The following CELF4 variants were observed in gnomAD, a reference collection of about 807,000 sequenced individuals.
CELF4 encodes the protein CUG-BP- and ETR-3-like factor 4.
A neutral mutation model predicts 59.9 loss-of-function variants in CELF4; 18 were observed. That is an observed-to-expected ratio of 0.30 (90% confidence interval 0.21 to 0.45). The LOEUF (loss-of-function observed/expected upper bound fraction) is 0.45, where lower values mean the gene tolerates loss of function less well. CELF4 is among the 20% of genes least tolerant of loss of function. The pLI is 1.00. For synonymous variants in CELF4, 261 were observed against 267.1 expected (o/e 0.98, Z 0.22); for missense variants, 456 against 689.0 (o/e 0.66, Z 3.79).
At chr18:37,466,139 C>T (rs1302848472) in intron 2 of CELF4, among the ~76,000 whole-genome samples, 1 of 152,216 alleles carries the variant, frequency 6.6e-6, no homozygotes, top group African/African-American at 2.4e-5. Flanking sequence ...TGCTCTTGAT[C>T]ACTGTCAGCT....
chr18:37,512,301 A>G (rs2099945352), intron 1 of CELF4, among the ~76,000 whole-genome samples: 1 of 152,164 alleles, frequency 6.6e-6, no homozygotes, highest in South Asian at 2.1e-4. Flanking sequence ...CGTGTCGGCC[A>G]CCCACCCTCC....
At chr18:37,541,581 T>C (rs796964006) in intron 1 of CELF4, among the ~76,000 whole-genome samples, 2 of 152,050 alleles carry the variant, frequency 1.3e-5, no homozygotes, top group African/African-American at 4.8e-5. Flanking sequence ...TTCCAACACT[T>C]CTTGCTAACC....
chr18:37,274,755 G>A (rs937815188), intron 5 of CELF4, 50 bp downstream of exon 5: 10 of 1,523,738 alleles, frequency 6.6e-6, no homozygotes, highest in Non-Finnish European at 8.8e-6. Flanking sequence ...GGGTGCTGGG[G>A]TCTCGGCCCG....
intron 2 of CELF4, among the ~76,000 whole-genome samples, chr18:37,341,650 A>G (rs2098042132): frequency 6.6e-6 from 1 of 152,150 alleles, no homozygotes; most frequent in Non-Finnish European, 1.5e-5. Context: ...ACTGTGCTCT[A>G]TCCAGCAGAA....
At chr18:37,431,284 C>T (rs1222950783) in intron 2 of CELF4, among the ~76,000 whole-genome samples, 1 of 150,786 alleles carries the variant, frequency 6.6e-6, no homozygotes, top group Admixed American at 6.6e-5. Context: ...ATCATCTCAT[C>T]TTCTTTTCCT....
intron 2 of CELF4, among the ~76,000 whole-genome samples, chr18:37,338,524 T>C (rs114415279): frequency 6.6e-6 from 1 of 152,144 alleles, no homozygotes; most frequent in African/African-American, 2.4e-5. Flanking sequence ...GGATTCTGGG[T>C]GCTGGGGTGG....
intron 1 of CELF4, among the ~76,000 whole-genome samples, chr18:37,495,822 G>A (rs756380088): frequency 8.6e-5 from 13 of 152,012 alleles, no homozygotes; most frequent in Non-Finnish European, 1.9e-4. Context: ...ACAGCTCTCT[G>A]CCCTCATGAT....
intron 3 of CELF4, among the ~76,000 whole-genome samples, chr18:37,314,330 C>G (rs1026914027): frequency 2.0e-5 from 3 of 152,176 alleles, no homozygotes; most frequent in African/African-American, 7.2e-5. Flanking sequence ...TGGCGGGCAC[C>G]TGTAATCCCA....
chr18:37,270,442 C>T (rs2090606912), intron 8 of CELF4, among the ~76,000 whole-genome samples: 1 of 152,214 alleles, frequency 6.6e-6, no homozygotes, highest in South Asian at 2.1e-4. Flanking sequence ...GTTAAATTCA[C>T]ACTCAATTAT....
At chr18:37,318,230 C>A (rs1464656379) in intron 3 of CELF4, among the ~76,000 whole-genome samples, 7 of 152,012 alleles carry the variant, frequency 4.6e-5, no homozygotes, top group Admixed American at 4.6e-4. Context: ...TCCCCTCGCA[C>A]CACTGTGCCC....
At chr18:37,274,675 G>T in intron 5 of CELF4, 130 bp downstream of exon 5, 1 of 1,481,100 alleles carries the variant, frequency 6.8e-7, no homozygotes, top group South Asian at 1.3e-5. Context: ...CCGCGTCCTT[G>T]TCTGAGGCCC....
intron 1 of CELF4, among the ~76,000 whole-genome samples, chr18:37,554,627 T>C (rs2099984238): frequency 6.6e-6 from 1 of 152,174 alleles, no homozygotes; most frequent in Admixed American, 6.5e-5. Context: ...CCTTGACGAC[T>C]CTGGAAACAG....
chr18:37,485,585 G>A lies in CELF4; in HGVS notation c.309C>T (p.Cys103=). Residue 103 remains cysteine (C), a synonymous_variant, in exon 2 of 13, where the codon TGC becomes TGT. Transcript: ENST00000420428. The stretch of plus-strand genomic sequence containing the variant: ...GGGCCTTCAGCGCTGACTCACGCTC[G>A]CAGTAGGTGAGGAAGGCGCAGCCTG... The part of the protein sequence containing the change: ...MHKGCAFLTY[C]ERESALKAQS... 6.9e-7 allele frequency: 1 copy of A among 1,455,610 alleles called. No homozygotes were observed. Among genetic ancestry groups the A allele is most frequent in the South Asian group, 1.4e-5 (1 of 68,994 alleles). 90.2% of individuals were successfully genotyped at this position (1,455,610 alleles called of 1,614,324 possible).
intron 2 of CELF4, among the ~76,000 whole-genome samples, chr18:37,445,358 G>A (rs1168056927): frequency 1.3e-5 from 2 of 151,974 alleles, no homozygotes; most frequent in South Asian, 2.1e-4. Flanking sequence ...AGGGTTTCTC[G>A]GTGTTTCGGT....
chr18:37,458,321 C>T (rs2154602017), intron 2 of CELF4, among the ~76,000 whole-genome samples: 1 of 152,334 alleles, frequency 6.6e-6, no homozygotes, highest in African/African-American at 2.4e-5. Flanking sequence ...CACACTAGAA[C>T]TCTTGCCTCT....
At chr18:37,275,032 C>T (rs2092821202) in intron 4 of CELF4, 83 bp downstream of exon 4, 3 of 1,557,658 alleles carry the variant, frequency 1.9e-6, no homozygotes. Context: ...CGGCGATGGC[C>T]CCGGAGACTC....
rs149121972 is a variant in CELF4, at chr18:37,442,084, C to T, written c.369+43441G>A. Among the ~76,000 whole-genome samples, 740 of 152,324 alleles carry T rather than the reference C, an allele frequency of 4.9e-3. 5 individuals carry two copies. Among genetic ancestry groups the T allele is most frequent in the South Asian group, 0.019 (94 of 4,828 alleles). The stretch of plus-strand genomic sequence containing the variant: ...TTATTGGGTGCCCCACTGGCTCCTG[C>T]TGGCACAAAGCTGGGCCTGGCCAGA... On this transcript the variant is annotated intron_variant, in intron 2 of 12. Transcript: ENST00000420428.
chr18:37,247,805 A>T (rs1016434681), intron 12 of CELF4, among the ~76,000 whole-genome samples: 1 of 152,086 alleles, frequency 6.6e-6, no homozygotes, highest in Admixed American at 6.5e-5. Flanking sequence ...AAAAAAAATA[A>T]AACAGCCCCT....
intron 2 of CELF4, among the ~76,000 whole-genome samples, chr18:37,356,472 G>A (rs2098578070): frequency 1.3e-5 from 2 of 152,112 alleles, no homozygotes; most frequent in African/African-American, 4.8e-5. Flanking sequence ...GGTCAAAGGT[G>A]CTGGGAAGGT....
Sources: allele counts gnomAD v4.1 joint callset (sites outside exome capture counted in the v4.1 genomes callset), GRCh38; gene constraint gnomAD v4.1.1; transcripts MANE v1.5; gene names NCBI Gene and HGNC (gene_info 2026-07-23, HGNC 2026-07-21).